The following GORAB variants were observed in gnomAD, a reference collection of about 807,000 sequenced individuals.
GORAB encodes RAB6-interacting golgin.
In GORAB, 17 loss-of-function variants were observed where a neutral mutation model predicts 29.9. That is an observed-to-expected ratio of 0.57 (90% CI 0.39 to 0.85). GORAB has a LOEUF of 0.85. GORAB is among the 40% of genes least tolerant of loss of function. The probability of loss-of-function intolerance (pLI) is 0.00; values close to 1 mark genes in which losing one functional copy is unlikely to be tolerated. For missense variants in GORAB, 442 were observed against 437.8 expected (o/e 1.01, Z -0.09); for synonymous variants, 183 against 157.2 (o/e 1.16, Z -1.23).
Position 170,552,533 on chromosome 1 carries a change from C to A in GORAB, c.*71C>A, listed in dbSNP as rs1351271687. 3.3e-6 allele frequency: 4 copies of A among 1,227,804 alleles called. No homozygotes were observed. In the Admixed American group the frequency reaches 6.7e-5, roughly 21 times the overall value. The allele number at this position is 1,227,804 out of a possible 1,614,324, so 76.1% of individuals were successfully genotyped here. A position where few individuals can be genotyped will look rare whatever the true frequency, so the allele number is the denominator to read the frequency against. On this transcript the variant is annotated 3_prime_UTR_variant, in exon 5 of 5. Coordinates refer to ENST00000367763, the MANE Select transcript of GORAB (RefSeq NM_152281.3). ...CTTTTTGCAGTAGATCATGCCCTGA[C>A]CTCCAATAAAAACCTCTTTAAAACA...
chr1:170,544,998 TCTC>T, intron 4 of GORAB, 153 bp downstream of exon 4: 11 of 1,379,380 alleles, frequency 8.0e-6, no homozygotes, highest in Non-Finnish European at 9.4e-6. Flanking sequence ...AATTCAAGTG[TCTC>T]CTCTTCAGTG....
intron 1 of GORAB, among the ~76,000 whole-genome samples, chr1:170,536,843 A>G (rs936936560): frequency 6.6e-6 from 1 of 152,218 alleles, no homozygotes; most frequent in African/African-American, 2.4e-5. Context: ...AAAGTCAAAC[A>G]ACTAAGTAAA....
chr1:170,540,139 G>T (rs1649323058), intron 2 of GORAB, among the ~76,000 whole-genome samples: 1 of 152,036 alleles, frequency 6.6e-6, no homozygotes, highest in Non-Finnish European at 1.5e-5. Flanking sequence ...CTTGTGGAGA[G>T]ACGTGAAGGG....
intron 4 of GORAB, among the ~76,000 whole-genome samples, chr1:170,546,923 G>A (rs1649798915): frequency 2.0e-5 from 3 of 152,240 alleles, no homozygotes; most frequent in South Asian, 4.1e-4. Flanking sequence ...GACCTCAGGT[G>A]ATCCGCCTGC....
chr1:170,544,854 G>A lies in GORAB; in HGVS notation c.662+9G>A, dbSNP rs557062602. The stretch of plus-strand genomic sequence containing the variant: ...GACTATTCATACGCTCGGTGAGTTG[G>A]GGAAATTGAATCTGAACAAGGAGTA... On this transcript the variant is annotated intron_variant, in intron 4 of 4. Transcript: ENST00000367763. 9.3e-6 allele frequency: 15 copies of A among 1,604,506 alleles called. No individual in the cohort carries two copies. The East Asian group carries it at 3.1e-4, about 34-fold the overall frequency.
chr1:170,542,446 C>CT (rs770458412), intron 2 of GORAB, 45 bp from the exon 3 acceptor site: 1 of 1,224,688 alleles, frequency 8.2e-7, no homozygotes, highest in South Asian at 1.2e-5. Context: ...GTAGCAGTTT[C>CT]TTTTTCTTTC....
chr1:170,540,310 A>G (rs564625840), intron 2 of GORAB, among the ~76,000 whole-genome samples: 2 of 152,152 alleles, frequency 1.3e-5, no homozygotes, highest in African/African-American at 4.8e-5. Context: ...TTGATTTGCA[A>G]ATTCTTAGAA....
intron 2 of GORAB, among the ~76,000 whole-genome samples, chr1:170,541,425 A>G (rs1470226110): frequency 2.0e-5 from 3 of 152,056 alleles, no homozygotes; most frequent in Non-Finnish European, 4.4e-5. Flanking sequence ...AATATTGTAG[A>G]TCATATGCAA....
chr1:170,545,433 G>A, intron 4 of GORAB: 1 of 960,316 alleles, frequency 1.0e-6, no homozygotes, highest in African/African-American at 1.8e-5. Flanking sequence ...TGTTTCCTTG[G>A]TTTCAACCAT....
intron 1 of GORAB, chr1:170,538,953 C>G (rs1649219492): frequency 3.9e-6 from 2 of 518,054 alleles, no homozygotes; most frequent in Non-Finnish European, 6.8e-6. Context: ...GACCTAAGGC[C>G]TAACTCACTG....
At chr1:170,535,741 AG>A (rs1387723963) in intron 1 of GORAB, among the ~76,000 whole-genome samples, 4 of 151,354 alleles carry the variant, frequency 2.6e-5, no homozygotes, top group Non-Finnish European at 4.4e-5. Context: ...TTTTTTCTGT[AG>A]GGATAGGATC....
chr1:170,535,169 AT>A (rs1463753823), intron 1 of GORAB, among the ~76,000 whole-genome samples: 2 of 152,200 alleles, frequency 1.3e-5, no homozygotes. Context: ...TCCTACTTTT[AT>A]TTACCAAAAG....
intron 1 of GORAB, among the ~76,000 whole-genome samples, chr1:170,537,243 CTTTG>C (rs945532744): frequency 7.2e-5 from 11 of 152,040 alleles, no homozygotes; most frequent in African/African-American, 2.2e-4. Flanking sequence ...TACCTGTTGC[CTTTG>C]TTTGGGGGTA....
chr1:170,540,560 CAAGAG>C (rs1649351731), intron 2 of GORAB, among the ~76,000 whole-genome samples: 1 of 151,924 alleles, frequency 6.6e-6, no homozygotes, highest in South Asian at 2.1e-4. Flanking sequence ...ATCATTTTGA[CAAGAG>C]TTATAAAACC....
chr1:170,545,194 G>A (rs1649682746), intron 4 of GORAB: 3 of 1,010,180 alleles, frequency 3.0e-6, no homozygotes, highest in Non-Finnish European at 1.2e-6. Context: ...CGCCAAAACT[G>A]TTACTCTGAC....
intron 1 of GORAB, among the ~76,000 whole-genome samples, chr1:170,535,965 A>G (rs1215257296): frequency 2.0e-5 from 3 of 152,174 alleles, no homozygotes; most frequent in Non-Finnish European, 1.5e-5. Flanking sequence ...GGTGTGAGCC[A>G]CTGCACCCAG....
chr1:170,538,248 G>A (rs1185626928), intron 1 of GORAB, among the ~76,000 whole-genome samples: 1 of 152,142 alleles, frequency 6.6e-6, no homozygotes, highest in Non-Finnish European at 1.5e-5. Context: ...TGACTCTAGA[G>A]CTTTTAACTA....
chr1:170,545,773 G>A (rs1649719814), intron 4 of GORAB: 2 of 980,190 alleles, frequency 2.0e-6, no homozygotes, highest in Non-Finnish European at 2.4e-6. Context: ...TTAATAAACT[G>A]TTGAGTGTTT....
At chr1:170,551,896 CG>C in intron 4 of GORAB, 118 bp from the exon 5 acceptor site, 1 of 845,322 alleles carries the variant, frequency 1.2e-6, no homozygotes, top group Non-Finnish European at 1.9e-6. Flanking sequence ...TAGTAATATC[CG>C]TATCTTCATT....
Sources: allele counts gnomAD v4.1 joint callset (sites outside exome capture counted in the v4.1 genomes callset), GRCh38; gene constraint gnomAD v4.1.1; transcripts MANE v1.5; gene names NCBI Gene and HGNC (gene_info 2026-07-23, HGNC 2026-07-21).